KLHL14: variants seen among roughly 807,000 people sequenced by gnomAD.
KLHL14 encodes kelch-like protein 14.
In KLHL14, 22 loss-of-function variants were observed where a neutral mutation model predicts 64.3. The ratio of observed to expected loss-of-function variants is 0.34; its 90% CI spans 0.24 to 0.49. The LOEUF (loss-of-function observed/expected upper bound fraction) is 0.49, where lower values mean the gene tolerates loss of function less well. Among genes scored for constraint, KLHL14 ranks in the 20% least tolerant of loss-of-function variants. KLHL14 has a pLI of 0.99. For missense variants in KLHL14, 661 were observed against 789.0 expected, an observed-to-expected ratio of 0.84 and a Z score of 1.94; for synonymous variants, 322 against 333.4, an observed-to-expected ratio of 0.97 and a Z score of 0.37.
chr18:32,752,220 A>G (rs1179216067), intron 2 of KLHL14, among the ~76,000 whole-genome samples: 1 of 152,238 alleles, frequency 6.6e-6, no homozygotes, highest in Non-Finnish European at 1.5e-5. Context: ...CAGTGGGATT[A>G]CAAAATCCCA....
chr18:32,682,408 A>C (rs1462259505), intron 5 of KLHL14, among the ~76,000 whole-genome samples: 1 of 152,216 alleles, frequency 6.6e-6, no homozygotes, highest in East Asian at 1.9e-4. Flanking sequence ...AATAAAGAGA[A>C]GACGAGTCAG....
At chr18:32,691,451 A>G (rs1472591223) in intron 4 of KLHL14, among the ~76,000 whole-genome samples, 1 of 152,132 alleles carries the variant, frequency 6.6e-6, no homozygotes, top group East Asian at 1.9e-4. Context: ...GGCTAAGGTG[A>G]CAGGATTGCT....
At chr18:32,768,822 C>G (rs1044209041) in intron 2 of KLHL14, among the ~76,000 whole-genome samples, 3 of 152,164 alleles carry the variant, frequency 2.0e-5, no homozygotes, top group Non-Finnish European at 2.9e-5. Context: ...ACAGAGGCAG[C>G]AGCAACTCTC....
chr18:32,709,081 C>A (rs950120998), intron 3 of KLHL14, among the ~76,000 whole-genome samples: 1 of 152,172 alleles, frequency 6.6e-6, no homozygotes, highest in Admixed American at 6.5e-5. Context: ...TCTATTCAGT[C>A]ATTTCCTTCT....
chr18:32,769,640 C>T lies in KLHL14; in HGVS notation c.947+5G>A. ...TCCCCCGCCCTCCTCTTTGTTGTCT[C>T]CTACCTGCTGGCCAGGCTCTGCCTG... On this transcript the variant is annotated splice_donor_5th_base_variant and intron_variant, in intron 2 of 8. Coordinates refer to ENST00000359358, the MANE Select transcript of KLHL14 (RefSeq NM_020805.3). 2 of 1,106,460 alleles carry T rather than the reference C, an allele frequency of 1.8e-6. No individual in the cohort carries two copies. Among genetic ancestry groups the T allele is most frequent in the Non-Finnish European group, 2.4e-6 (2 of 830,264 alleles). 68.5% of individuals were successfully genotyped at this position (1,106,460 alleles called of 1,614,324 possible).
Position 32,770,332 on chromosome 18 carries a change from G to A in KLHL14, c.260C>T (p.Pro87Leu). 1 of 1,584,028 alleles carries A rather than the reference G, an allele frequency of 6.3e-7. No homozygotes were observed. The highest frequency in any genetic ancestry group is 8.6e-7 in the Non-Finnish European group (1 of 1,165,558). Reference protein sequence around the residue: ...GLGAPKDQQQPPQQQPSQQQQ... With the variant: ...GLGAPKDQQQLPQQQPSQQQQ... ...CTGCTGTGACGGCTGCTGCTGCGGCGGCTGCTGCTGGTCCTTGGGGGCCCC... is the reference window on the plus strand; with the variant it reads ...CTGCTGTGACGGCTGCTGCTGCGGCAGCTGCTGCTGGTCCTTGGGGGCCCC... Residue 87 changes from proline to leucine, a missense_variant, in exon 2 of 9, where the codon CCG (proline) becomes CTG (leucine). Pro to Leu is a moderately conservative substitution (Grantham distance 98, BLOSUM62 -3). Coordinates refer to ENST00000359358, the MANE Select transcript of KLHL14 (RefSeq NM_020805.3). The surrounding 1 kb of genome is among the most constrained non-coding windows in gnomAD (Gnocchi z 6.7).
chr18:32,692,986 T>C (rs1295071850), intron 4 of KLHL14, among the ~76,000 whole-genome samples: 1 of 152,184 alleles, frequency 6.6e-6, no homozygotes, highest in African/African-American at 2.4e-5. Flanking sequence ...GTTGACCAGA[T>C]GGATGGAGTA....
rs553967694 is a variant in KLHL14 at position 32,672,794 on chromosome 18, A to G, written c.*1863T>C. 6.5e-6 allele frequency: 1 copy of G among 152,760 alleles called. No individual in the cohort carries two copies. Among genetic ancestry groups the G allele is most frequent in the African/African-American group, 2.4e-5 (1 of 41,578 alleles). 9.5% of individuals were successfully genotyped at this position (152,760 alleles called of 1,614,324 possible). On this transcript the variant is annotated 3_prime_UTR_variant, in exon 9 of 9. Coordinates refer to ENST00000359358, the MANE Select transcript of KLHL14 (RefSeq NM_020805.3). ...TTTATTCACTTTTCACTTTCTAGTA[A>G]CTTATGTCTCTCTGAAATACAGAAA...
chr18:32,772,322 G>C (rs1220426404), intron 1 of KLHL14: 5 of 284,656 alleles, frequency 1.8e-5, no homozygotes, highest in South Asian at 1.1e-4. Context: ...CCCTCCGCCG[G>C]CAGCACCCCC....
chr18:32,678,093 C>T (rs2049820167), intron 7 of KLHL14, among the ~76,000 whole-genome samples: 2 of 152,126 alleles, frequency 1.3e-5, no homozygotes, highest in Non-Finnish European at 2.9e-5. Flanking sequence ...AAGAGCTTCT[C>T]CTACAGCTTC....
chr18:32,741,912 T>C lies in KLHL14; in HGVS notation c.1069+16A>G, dbSNP rs561736575. On this transcript the variant is annotated intron_variant, in intron 3 of 8. Transcript: ENST00000359358. ...ATAAATAGGTGAGTGAATAAATAAA[T>C]AAATAATGCACTCACTTGTGAGTAT... is the stretch of plus-strand genomic sequence containing the variant. 17 of 1,557,006 alleles carry C rather than the reference T, an allele frequency of 1.1e-5. No individual in the cohort carries two copies. The highest frequency in any genetic ancestry group is 8.6e-5 in the South Asian group (7 of 81,436).
intron 3 of KLHL14, among the ~76,000 whole-genome samples, chr18:32,726,097 A>G (rs186923943): frequency 5.9e-5 from 9 of 152,356 alleles, no homozygotes; most frequent in Admixed American, 2.6e-4. Flanking sequence ...AGGGTTAGCA[A>G]ATACGGCCTG....
intron 3 of KLHL14, among the ~76,000 whole-genome samples, chr18:32,709,556 TC>T (rs887737970): frequency 5.9e-5 from 9 of 151,946 alleles, no homozygotes; most frequent in Admixed American, 1.3e-4. Context: ...CAAGGGATCC[TC>T]CCCCCTCAGC....
intron 3 of KLHL14, among the ~76,000 whole-genome samples, chr18:32,721,844 C>T (rs897092469): frequency 6.6e-6 from 1 of 152,190 alleles, no homozygotes; most frequent in Non-Finnish European, 1.5e-5. Context: ...TGAATACCCA[C>T]ATGACCTAAA....
chr18:32,681,265 T>C (rs990205839), intron 5 of KLHL14, among the ~76,000 whole-genome samples: 2 of 152,126 alleles, frequency 1.3e-5, no homozygotes, highest in Non-Finnish European at 2.9e-5. Flanking sequence ...TATTATCCCA[T>C]TATGCCATCA....
At chr18:32,689,851 A>G (rs574253613) in intron 4 of KLHL14, among the ~76,000 whole-genome samples, 8 of 152,332 alleles carry the variant, frequency 5.3e-5, no homozygotes, top group Admixed American at 5.2e-4. Context: ...AAGGAAGGCC[A>G]TCAACTGAGA....
chr18:32,769,152 A>C (rs971592569), intron 2 of KLHL14, among the ~76,000 whole-genome samples: 4 of 152,206 alleles, frequency 2.6e-5, no homozygotes, highest in African/African-American at 9.6e-5. Flanking sequence ...GTGTGACGGC[A>C]AGACCATGAA....
At chr18:32,753,732 A>G (rs149243501) in intron 2 of KLHL14, among the ~76,000 whole-genome samples, 67 of 152,322 alleles carry the variant, frequency 4.4e-4, no homozygotes, top group Middle Eastern at 3.4e-3. Flanking sequence ...TTCATGAGGG[A>G]CAATGGCTTC....
At chr18:32,694,894 A>G (rs1305919936) in intron 4 of KLHL14, among the ~76,000 whole-genome samples, 1 of 152,142 alleles carries the variant, frequency 6.6e-6, no homozygotes, top group African/African-American at 2.4e-5. Flanking sequence ...AAAATGTTTA[A>G]TTTCTCTTTG....
Sources: gnomAD v4.1 joint callset for allele counts (sites outside exome capture counted in the v4.1 genomes callset) on GRCh38, gnomAD v4.1.1 for gene constraint, Gnocchi (gnomAD v3.1) non-coding constraint, MANE v1.5 for transcripts, NCBI Gene and HGNC (gene_info 2026-07-23, HGNC 2026-07-21) for gene names.